Variants in RNF217 observed in about 807,000 individuals in gnomAD.
The protein encoded by RNF217 is ring finger protein 217, also known as E3 ubiquitin-protein ligase RNF217.
In RNF217, 31 loss-of-function variants were observed where a neutral mutation model predicts 57.8. That is an observed-to-expected ratio of 0.54 (90% CI 0.40 to 0.72). The LOEUF (loss-of-function observed/expected upper bound fraction) is 0.72. Among genes scored for constraint, RNF217 ranks in the 30% least tolerant of loss-of-function variants. The pLI, the probability that RNF217 is intolerant of heterozygous loss-of-function variation, is 0.00. For missense variants in RNF217, 696 were observed against 708.3 expected (o/e 0.98, Z 0.20); for synonymous variants, 313 against 294.0 (o/e 1.06, Z -0.66).
chr6:125,079,158 T>C (rs1562499010), intron 4 of RNF217, among the ~76,000 whole-genome samples: 1 of 152,086 alleles, frequency 6.6e-6, no homozygotes, highest in Non-Finnish European at 1.5e-5. Flanking sequence ...GAGGTTCTGC[T>C]CATAAATTAT....
intron 1 of RNF217, among the ~76,000 whole-genome samples, chr6:125,014,739 C>T (rs1432886724): frequency 6.6e-6 from 1 of 152,146 alleles, no homozygotes; most frequent in African/African-American, 2.4e-5. Flanking sequence ...ACCTGGGATA[C>T]AATCTTCCCA....
chr6:125,061,413 G>A (rs1787728146), intron 3 of RNF217, among the ~76,000 whole-genome samples: 1 of 151,416 alleles, frequency 6.6e-6, no homozygotes, highest in Non-Finnish European at 1.5e-5. Flanking sequence ...CTTGTAAACT[G>A]AATATAAATT....
chr6:124,969,403 TAAGCA>T (rs1178688151), intron 1 of RNF217, among the ~76,000 whole-genome samples: 1 of 152,218 alleles, frequency 6.6e-6, no homozygotes, highest in Non-Finnish European at 1.5e-5. Context: ...TTTTACATTA[TAAGCA>T]AAATGAACCT....
At chr6:125,012,418 C>T (rs1416360547) in intron 1 of RNF217, among the ~76,000 whole-genome samples, 3 of 152,088 alleles carry the variant, frequency 2.0e-5, no homozygotes, top group Non-Finnish European at 2.9e-5. Flanking sequence ...TATGTATACC[C>T]ATTTTATATA....
At chr6:124,963,921 T>A (rs1783419372) in intron 1 of RNF217, among the ~76,000 whole-genome samples, 1 of 152,234 alleles carries the variant, frequency 6.6e-6, no homozygotes. Flanking sequence ...AATGTATCCC[T>A]TGGCCTTTGC....
chr6:125,007,090 A>C (rs753640394), intron 1 of RNF217, among the ~76,000 whole-genome samples: 1 of 152,208 alleles, frequency 6.6e-6, no homozygotes, highest in Non-Finnish European at 1.5e-5. Flanking sequence ...CCAGTTCACA[A>C]ATTTTGTCTT....
chr6:125,081,522 A>T lies in RNF217; in HGVS notation c.1555+15A>T, dbSNP rs750400819. On this transcript the variant is annotated intron_variant, in intron 5 of 5. Transcript: ENST00000521654. ...GGTTGTAATCGGTAAGAAACACTTCATGCATCTGAGATTAGAATTATCTGA... is the reference window on the plus strand; with the variant it reads ...GGTTGTAATCGGTAAGAAACACTTCTTGCATCTGAGATTAGAATTATCTGA... The T allele has an allele frequency of 6.3e-7, 1 of 1,595,398 alleles. No homozygotes were observed.
intron 3 of RNF217, among the ~76,000 whole-genome samples, chr6:125,075,278 T>C (rs1230956014): frequency 6.6e-6 from 1 of 152,152 alleles, no homozygotes; most frequent in African/African-American, 2.4e-5. Flanking sequence ...AGTAGACTAT[T>C]TTTAGGAGGT....
At chr6:124,969,077 T>C (rs1783662984) in intron 1 of RNF217, among the ~76,000 whole-genome samples, 1 of 152,240 alleles carries the variant, frequency 6.6e-6, no homozygotes, top group African/African-American at 2.4e-5. Flanking sequence ...GCTATGGATC[T>C]GCTTTCTCTC....
chr6:124,990,197 GTTAA>G (rs1244876361), intron 1 of RNF217, among the ~76,000 whole-genome samples: 1 of 152,074 alleles, frequency 6.6e-6, no homozygotes, highest in East Asian at 1.9e-4. Context: ...ATGATTTGTT[GTTAA>G]TTAATCTCCT....
At chr6:125,027,396 G>A (rs910798695) in intron 1 of RNF217, among the ~76,000 whole-genome samples, 6 of 152,106 alleles carry the variant, frequency 3.9e-5, no homozygotes, top group Admixed American at 1.3e-4. Flanking sequence ...AAATAAGTGA[G>A]AACATGCAAT....
rs1052945683 is a variant in RNF217 at position 125,092,613 on chromosome 6, A to G, written c.*9676A>G. ...GCAATGTTATTTAGCAATGCGTAAT[A>G]AAAGTTTTTAAAAGAGAAAATTCTT... On this transcript the variant is annotated 3_prime_UTR_variant, in exon 6 of 6. Coordinates refer to ENST00000521654, the MANE Select transcript of RNF217 (RefSeq NM_001286398.3). 4 of 152,242 alleles carry G rather than the reference A, an allele frequency of 2.6e-5. No homozygotes were observed. Among genetic ancestry groups the G allele is most frequent in the African/African-American group, 9.6e-5 (4 of 41,462 alleles). The allele number at this position is 152,242 out of a possible 1,614,324, so 9.4% of individuals were successfully genotyped here.
At chr6:125,052,284 T>TTTTGTGTGTG (rs1787347172) in intron 2 of RNF217, among the ~76,000 whole-genome samples, 1 of 143,136 alleles carries the variant, frequency 7.0e-6, no homozygotes, top group Non-Finnish European at 1.5e-5. Flanking sequence ...GTCATGCGTT[T>TTTTGTGTGTG]TGTGTGTGTG....
chr6:125,019,851 A>C (rs1785764450), intron 1 of RNF217, among the ~76,000 whole-genome samples: 1 of 151,682 alleles, frequency 6.6e-6, no homozygotes, highest in Non-Finnish European at 1.5e-5. Flanking sequence ...GAGTGAAAAA[A>C]TCCTTTATTA....
intron 3 of RNF217, among the ~76,000 whole-genome samples, chr6:125,075,849 A>T (rs1788345884): frequency 6.6e-6 from 1 of 152,122 alleles, no homozygotes. Flanking sequence ...CGCAAAGAGT[A>T]AAGTCTTGAT....
intron 1 of RNF217, among the ~76,000 whole-genome samples, chr6:124,989,882 A>G (rs188008579): frequency 2.4e-4 from 36 of 151,090 alleles, no homozygotes; most frequent in Non-Finnish European, 4.6e-4. Flanking sequence ...AAAAAACACC[A>G]ACAAAATAAA....
intron 1 of RNF217, chr6:125,006,290 C>T (rs1206885573): frequency 6.6e-6 from 1 of 152,118 alleles, no homozygotes; most frequent in African/African-American, 2.4e-5. Context: ...GATGCAGGAG[C>T]TGAGAAATTT....
At chr6:124,972,180 G>A (rs898280006) in intron 1 of RNF217, among the ~76,000 whole-genome samples, 2 of 152,080 alleles carry the variant, frequency 1.3e-5, no homozygotes, top group African/African-American at 2.4e-5. Context: ...AGAAACCTGG[G>A]GGGTCATCAT....
chr6:125,007,850 T>C (rs747819788), intron 1 of RNF217, among the ~76,000 whole-genome samples: 10 of 152,204 alleles, frequency 6.6e-5, no homozygotes, highest in African/African-American at 1.2e-4. Context: ...GAACACTATA[T>C]ATACTATTTT....
Sources: gnomAD v4.1 joint callset for allele counts (sites outside exome capture counted in the v4.1 genomes callset) on GRCh38, gnomAD v4.1.1 for gene constraint, MANE v1.5 for transcripts, NCBI Gene and HGNC (gene_info 2026-07-23, HGNC 2026-07-21) for gene names.